PTN: variants seen among roughly 807,000 people sequenced by gnomAD.
PTN encodes the protein pleiotrophin, also known as heparin affin regulatory protein.
Under a neutral mutation model 24.1 loss-of-function variants are expected in PTN, and 18 were observed. The observed-to-expected ratio is 0.75, with a 90% CI of 0.52 to 1.11. The LOEUF (loss-of-function observed/expected upper bound fraction) is 1.11, where lower values mean the gene tolerates loss of function less well. Ranked by LOEUF, PTN falls within the 50% of genes least tolerant of loss-of-function variation. The probability of loss-of-function intolerance (pLI) is 0.00; values close to 1 mark genes in which losing one functional copy is unlikely to be tolerated. For missense variants in PTN, 163 were observed against 198.8 expected, an observed-to-expected ratio of 0.82 and a Z score of 1.08; for synonymous variants, 78 against 68.6, an observed-to-expected ratio of 1.14 and a Z score of -0.67.
chr7:137,334,065 G>A (rs1192813698), intron 1 of PTN, among the ~76,000 whole-genome samples: 5 of 152,238 alleles, frequency 3.3e-5, no homozygotes, highest in South Asian at 4.2e-4. Flanking sequence ...AGACTTAAAC[G>A]CTAGACCTAA....
chr7:137,286,605 CTT>C (rs1563212835), intron 1 of PTN, among the ~76,000 whole-genome samples: 1 of 152,100 alleles, frequency 6.6e-6, no homozygotes, highest in East Asian at 1.9e-4. Context: ...TAAATAATTT[CTT>C]TTTTACTTAA....
chr7:137,332,443 A>G lies in PTN; in HGVS notation c.-2+10996T>C, dbSNP rs886152589. On this transcript the variant is annotated intron_variant, in intron 1 of 4. Transcript: ENST00000348225. Reference sequence around the variant, plus strand: ...GGTTAAAATTAATCAAACTTTTCACACATTTGACCTGCGTTGAGCTATATT... The same window carrying G: ...GGTTAAAATTAATCAAACTTTTCACGCATTTGACCTGCGTTGAGCTATATT... 1.2e-4 allele frequency among the ~76,000 whole-genome samples: 18 copies of G among 152,188 alleles called. 1 individual carries two copies. The highest frequency in any genetic ancestry group is 3.6e-4 in the African/African-American group (15 of 41,468).
intron 4 of PTN, among the ~76,000 whole-genome samples, chr7:137,235,661 C>T (rs527671868): frequency 8.5e-5 from 13 of 152,074 alleles, no homozygotes; most frequent in South Asian, 2.1e-4. Context: ...TTTACTTCTA[C>T]GATATGTGTG....
chr7:137,280,697 TACAAAAAA>T (rs1307831702), intron 1 of PTN, among the ~76,000 whole-genome samples: 1 of 10,648 alleles, frequency 9.4e-5, no homozygotes, highest in Admixed American at 1.9e-3. Flanking sequence ...CTACTAAAAA[TACAAAAAA>T]AAAAAAAAAA....
intron 1 of PTN, among the ~76,000 whole-genome samples, chr7:137,283,771 C>T (rs1809508856): frequency 6.6e-6 from 1 of 151,938 alleles, no homozygotes; most frequent in Non-Finnish European, 1.5e-5. Context: ...AAATCAGGGA[C>T]GGTGATTCTG....
chr7:137,241,014 G>A (rs1193160067), intron 4 of PTN, among the ~76,000 whole-genome samples: 3 of 152,200 alleles, frequency 2.0e-5, no homozygotes, highest in Non-Finnish European at 4.4e-5. Flanking sequence ...GGCTGGAGAG[G>A]TCTCAGGAAA....
chr7:137,266,140 G>A (rs1019097972), intron 1 of PTN, among the ~76,000 whole-genome samples: 3 of 152,134 alleles, frequency 2.0e-5, no homozygotes, highest in African/African-American at 7.2e-5. Flanking sequence ...GAGGAGATTG[G>A]TGCTTTAAGA....
At chr7:137,327,732 CT>C (rs1335255022) in intron 1 of PTN, among the ~76,000 whole-genome samples, 1 of 152,320 alleles carries the variant, frequency 6.6e-6, no homozygotes, top group African/African-American at 2.4e-5. Context: ...CTAAACCACT[CT>C]TTTATCATTT....
chr7:137,237,664 C>G (rs1012877737), intron 4 of PTN, among the ~76,000 whole-genome samples: 7 of 152,122 alleles, frequency 4.6e-5, no homozygotes, highest in African/African-American at 1.4e-4. Flanking sequence ...CTTTCACCCC[C>G]CTTCAAACAT....
intron 1 of PTN, among the ~76,000 whole-genome samples, chr7:137,290,183 T>C (rs945378050): frequency 1.3e-5 from 2 of 152,140 alleles, no homozygotes; most frequent in African/African-American, 4.8e-5. Flanking sequence ...TTATTCACTA[T>C]CATGAGAACA....
At chr7:137,289,566 G>A (rs966783842) in intron 1 of PTN, among the ~76,000 whole-genome samples, 4 of 152,082 alleles carry the variant, frequency 2.6e-5, no homozygotes, top group African/African-American at 4.8e-5. Context: ...TGAGTCTTGT[G>A]GTCAGAGACG....
intron 1 of PTN, among the ~76,000 whole-genome samples, chr7:137,279,255 T>C (rs868852902): frequency 3.3e-5 from 5 of 152,182 alleles, no homozygotes; most frequent in Middle Eastern, 3.2e-3. Flanking sequence ...GATTTAACAA[T>C]TGAATGTCCA....
intron 1 of PTN, among the ~76,000 whole-genome samples, chr7:137,269,624 ATTTTTTTTTTTTTT>A (rs869311084): frequency 3.2e-5 from 2 of 63,028 alleles, no homozygotes; most frequent in Non-Finnish European, 6.1e-5. Context: ...TGCTTCATCT[ATTTTTTTTTTTTTT>A]TTTTTTTTTT....
chr7:137,234,278 T>C (rs1266630888), intron 4 of PTN, among the ~76,000 whole-genome samples: 1 of 152,014 alleles, frequency 6.6e-6, no homozygotes, highest in Non-Finnish European at 1.5e-5. Flanking sequence ...TTATAAATAA[T>C]GATGCAATGC....
intron 1 of PTN, among the ~76,000 whole-genome samples, chr7:137,278,964 A>ACG (rs1563210048): frequency 6.9e-6 from 1 of 145,552 alleles, no homozygotes; most frequent in Non-Finnish European, 1.5e-5. Context: ...TAATAATAAT[A>ACG]ATAATAATAA....
intron 1 of PTN, among the ~76,000 whole-genome samples, chr7:137,269,751 G>T (rs1434377211): frequency 2.0e-5 from 3 of 147,724 alleles, no homozygotes; most frequent in Non-Finnish European, 4.4e-5. Context: ...TCCTGTCTTG[G>T]CCTCCCAAGT....
At chr7:137,261,378 T>C (rs1402548696) in intron 1 of PTN, among the ~76,000 whole-genome samples, 1 of 152,196 alleles carries the variant, frequency 6.6e-6, no homozygotes, top group Non-Finnish European at 1.5e-5. Flanking sequence ...TTACATTACA[T>C]AAACATTAGT....
At position 137,262,297 on chromosome 7, in the gene PTN, T is replaced by C. The variant is rs571962346; in HGVS notation, c.-1-7323A>G. ...TTATTTAAAAGCAATTGCTTTTTTA[T>C]CTTCAATTTATCTTAAGGTATTACT... On this transcript the variant is annotated intron_variant, in intron 1 of 4. Coordinates refer to ENST00000348225, the MANE Select transcript of PTN (RefSeq NM_002825.7). 4.6e-5 allele frequency among the ~76,000 whole-genome samples: 7 copies of C among 152,304 alleles called. No individual in the cohort carries two copies. The South Asian group carries it at 1.2e-3, about 27-fold the overall frequency.
At chr7:137,283,502 G>C (rs1183691960) in intron 1 of PTN, among the ~76,000 whole-genome samples, 1 of 152,166 alleles carries the variant, frequency 6.6e-6, no homozygotes. Context: ...GTTGCTTTGG[G>C]AAAGAGAAAA....
Sources: gnomAD v4.1 joint callset for allele counts (sites outside exome capture counted in the v4.1 genomes callset) on GRCh38, gnomAD v4.1.1 for gene constraint, MANE v1.5 for transcripts, NCBI Gene and HGNC (gene_info 2026-07-23, HGNC 2026-07-21) for gene names.